The following PLXNA4 variants were observed in gnomAD, a reference collection of about 807,000 sequenced individuals.
The protein encoded by PLXNA4 is plexin-A4.
Under a neutral mutation model 191.8 loss-of-function variants are expected in PLXNA4, and 44 were observed. The observed-to-expected ratio is 0.23, with a 90% CI of 0.18 to 0.29. PLXNA4 has a LOEUF of 0.29. PLXNA4 is among the 10% of genes least tolerant of loss of function. PLXNA4 has a pLI of 1.00. For missense variants in PLXNA4, 1,800 were observed against 2,488.8 expected, an observed-to-expected ratio of 0.72 and a Z score of 5.89; for synonymous variants, 1,082 against 1,009.5, an observed-to-expected ratio of 1.07 and a Z score of -1.36.
chr7:132,313,112 C>T (rs1801810233), intron 3 of PLXNA4, among the ~76,000 whole-genome samples: 1 of 152,220 alleles, frequency 6.6e-6, no homozygotes, highest in Non-Finnish European at 1.5e-5. Flanking sequence ...GAGCTCCAAC[C>T]TCCCTCTCTG....
At chr7:132,218,409 G>T (rs541145513) in intron 9 of PLXNA4, among the ~76,000 whole-genome samples, 1 of 152,172 alleles carries the variant, frequency 6.6e-6, no homozygotes, top group Non-Finnish European at 1.5e-5. Flanking sequence ...GCACACCTGG[G>T]GGCCAGATGT....
chr7:132,557,388 G>C (rs1285371174), intron 1 of PLXNA4, among the ~76,000 whole-genome samples: 2 of 152,114 alleles, frequency 1.3e-5, no homozygotes, highest in African/African-American at 4.8e-5. Context: ...GAAAAGAGGT[G>C]GCAGGAGAGT....
intron 10 of PLXNA4, among the ~76,000 whole-genome samples, chr7:132,203,663 G>GC (rs1289476725): frequency 3.3e-5 from 5 of 152,218 alleles, no homozygotes; most frequent in Non-Finnish European, 7.3e-5. Context: ...CTCCAAGCAT[G>GC]CCCCTGTGGA....
intron 21 of PLXNA4, among the ~76,000 whole-genome samples, chr7:132,170,075 G>A (rs1337651676): frequency 5.3e-5 from 8 of 152,014 alleles, no homozygotes; most frequent in East Asian, 1.9e-4. Flanking sequence ...CAGCAGTAAC[G>A]AGCCTGGTTT....
intron 2 of PLXNA4, among the ~76,000 whole-genome samples, chr7:132,608,943 A>G (rs912522274): frequency 5.9e-5 from 9 of 152,046 alleles, no homozygotes; most frequent in Middle Eastern, 3.4e-3. Context: ...TGTGGTGCTC[A>G]CTCTGTCTGG....
chr7:132,172,778 T>C (rs1436947717), intron 21 of PLXNA4, among the ~76,000 whole-genome samples: 1 of 151,456 alleles, frequency 6.6e-6, no homozygotes, highest in Non-Finnish European at 1.5e-5. Flanking sequence ...ATAATAATAA[T>C]AATAAAGTTA....
chr7:132,591,038 A>C (rs1366147105), intron 2 of PLXNA4, among the ~76,000 whole-genome samples: 1 of 152,132 alleles, frequency 6.6e-6, no homozygotes, highest in Non-Finnish European at 1.5e-5. Flanking sequence ...CTGATTGGCC[A>C]GAATTGGGTC....
intron 2 of PLXNA4, among the ~76,000 whole-genome samples, chr7:132,500,271 T>C (rs1798191911): frequency 6.6e-6 from 1 of 152,148 alleles, no homozygotes; most frequent in South Asian, 2.1e-4. Context: ...GATGAAACCC[T>C]GTCTGTACTA....
At chr7:132,232,258 A>G (rs1190230798) in intron 5 of PLXNA4, among the ~76,000 whole-genome samples, 2 of 152,186 alleles carry the variant, frequency 1.3e-5, no homozygotes, top group Non-Finnish European at 2.9e-5. Context: ...CATGTCCCTC[A>G]GCTCCACTGT....
chr7:132,600,352 G>C (rs1437222065), intron 2 of PLXNA4, among the ~76,000 whole-genome samples: 1 of 151,864 alleles, frequency 6.6e-6, no homozygotes, highest in Non-Finnish European at 1.5e-5. Context: ...GTCTAATTAT[G>C]ATCTTTATTT....
intron 2 of PLXNA4, among the ~76,000 whole-genome samples, chr7:132,495,046 A>G (rs1797953845): frequency 6.6e-6 from 1 of 152,144 alleles, no homozygotes. Context: ...TAAGGAACCA[A>G]CTATCACCCA....
intron 11 of PLXNA4, 29 bp downstream of exon 11, chr7:132,203,294 T>G: frequency 3.2e-6 from 3 of 944,426 alleles, no homozygotes; most frequent in Non-Finnish European, 5.0e-6. Context: ...TTCCCCTCCC[T>G]CCCCTGCTAG....
chr7:132,358,221 C>T (rs571278457), intron 3 of PLXNA4, among the ~76,000 whole-genome samples: 5 of 152,208 alleles, frequency 3.3e-5, no homozygotes, highest in Non-Finnish European at 7.4e-5. Flanking sequence ...CCTTTTTGTT[C>T]CCCACTTCCA....
intron 3 of PLXNA4, among the ~76,000 whole-genome samples, chr7:132,431,540 A>T (rs991385550): frequency 3.3e-5 from 5 of 152,184 alleles, no homozygotes; most frequent in African/African-American, 1.2e-4. Context: ...GGAAGACGTG[A>T]CTCAGAAGTT....
Position 132,211,142 on chromosome 7 carries a change from T to C in PLXNA4, c.2099A>G (p.Asp700Gly), listed in dbSNP as rs1257802436. The C allele has an allele frequency of 1.3e-6, 2 of 1,555,488 alleles. No homozygotes were observed. Among genetic ancestry groups the C allele is most frequent in the Non-Finnish European group, 1.7e-6 (2 of 1,149,292 alleles). Residue 700 changes from aspartate to glycine, a missense_variant and splice_region_variant, in exon 10 of 32, where the codon GAC becomes GGC. Asp to Gly is a moderately conservative substitution (Grantham distance 94, BLOSUM62 -1). Coordinates refer to ENST00000321063, the MANE Select transcript of PLXNA4 (RefSeq NM_020911.2). ...FQEGRVKLPE[D>G]CPQLLRVDKI... is the part of the protein sequence containing the mutation. ...GTCCACTCGCAGCAGCTGGGGGCAG[T>C]CCTGGGGACAGAGGGCATGGCTCAG...
At chr7:132,398,169 T>C (rs1383068724) in intron 3 of PLXNA4, among the ~76,000 whole-genome samples, 2 of 152,260 alleles carry the variant, frequency 1.3e-5, no homozygotes, top group Non-Finnish European at 2.9e-5. Context: ...TCAGTTTCCT[T>C]ATCTGCCATA....
At chr7:132,135,439 G>A (rs1360030253) in intron 30 of PLXNA4, among the ~76,000 whole-genome samples, 7 of 152,208 alleles carry the variant, frequency 4.6e-5, no homozygotes, top group African/African-American at 1.7e-4. Flanking sequence ...ACAGTAGGCA[G>A]GTGGCTCTGT....
chr7:132,519,406 G>A (rs942046306), intron 1 of PLXNA4, among the ~76,000 whole-genome samples: 1 of 152,222 alleles, frequency 6.6e-6, no homozygotes, highest in Non-Finnish European at 1.5e-5. Flanking sequence ...GTAGCAAAGG[G>A]AGACTTGCTG....
At chr7:132,198,321 C>T (rs1319473742) in intron 13 of PLXNA4, among the ~76,000 whole-genome samples, 164 bp downstream of exon 13, 6 of 152,166 alleles carry the variant, frequency 3.9e-5, no homozygotes, top group African/African-American at 9.7e-5. Flanking sequence ...ACTGAGCAGG[C>T]GGGGAGTTGT....
Sources: gnomAD v4.1 joint callset for allele counts (sites outside exome capture counted in the v4.1 genomes callset) on GRCh38, gnomAD v4.1.1 for gene constraint, MANE v1.5 for transcripts, NCBI Gene and HGNC (gene_info 2026-07-23, HGNC 2026-07-21) for gene names.